The following ELAVL2 variants were observed in gnomAD, a reference collection of about 807,000 sequenced individuals.
ELAVL2 encodes the protein ELAV-like protein 2.
ELAVL2 carries 4 observed loss-of-function variants against 34.6 expected under a neutral mutation model. The ratio of observed to expected loss-of-function variants is 0.12; its 90% confidence interval spans 0.06 to 0.26. ELAVL2 has a LOEUF of 0.26. Ranked by LOEUF, ELAVL2 falls within the 10% of genes least tolerant of loss-of-function variation. The pLI is 1.00. For missense variants in ELAVL2, 432 were observed against 442.8 expected (o/e 0.98, Z 0.22); for synonymous variants, 193 against 154.8 (o/e 1.25, Z -1.83).
At chr9:23,766,138 T>C (rs1300313666) in intron 1 of ELAVL2, among the ~76,000 whole-genome samples, 5 of 152,142 alleles carry the variant, frequency 3.3e-5, no homozygotes, top group African/African-American at 1.2e-4. Context: ...TGGCTGTGAT[T>C]TACTCTTGAT....
chr9:23,835,818 T>C, the ELAVL2 span, among the ~76,000 whole-genome samples: 1 of 152,148 alleles, frequency 6.6e-6, no homozygotes, highest in Non-Finnish European at 1.5e-5. Context: ...ACCTTAAACT[T>C]TTAGAGATCT....
chr9:23,814,148 C>T (rs1325503294), intron 1 of ELAVL2, among the ~76,000 whole-genome samples: 1 of 152,110 alleles, frequency 6.6e-6, no homozygotes, highest in African/African-American at 2.4e-5. Flanking sequence ...ACCTATAGGC[C>T]ATATGAAGCT....
At chr9:23,811,459 T>TG (rs1037238754) in intron 1 of ELAVL2, among the ~76,000 whole-genome samples, 4 of 152,174 alleles carry the variant, frequency 2.6e-5, no homozygotes, top group African/African-American at 9.7e-5. Flanking sequence ...CACATGCTCC[T>TG]GGAAGACATG....
intron 2 of ELAVL2, among the ~76,000 whole-genome samples, chr9:23,742,828 T>C (rs532282521): frequency 6.6e-6 from 1 of 152,318 alleles, no homozygotes; most frequent in South Asian, 2.1e-4. Flanking sequence ...AAGAGGTAGT[T>C]AATCAAGAGG....
At chr9:23,749,047 G>A (rs2051230819) in intron 2 of ELAVL2, among the ~76,000 whole-genome samples, 1 of 152,104 alleles carries the variant, frequency 6.6e-6, no homozygotes, top group Non-Finnish European at 1.5e-5. Flanking sequence ...CAAGGTACTG[G>A]AAATGGATAA....
At chr9:23,755,136 C>A (rs1048872437) in intron 2 of ELAVL2, among the ~76,000 whole-genome samples, 1 of 152,122 alleles carries the variant, frequency 6.6e-6, no homozygotes. Context: ...TCTGTCAACT[C>A]CCAAACACAA....
At chr9:23,834,579 G>A in the ELAVL2 span, among the ~76,000 whole-genome samples, 1 of 151,972 alleles carries the variant, frequency 6.6e-6, no homozygotes, top group Non-Finnish European at 1.5e-5. Context: ...CTACAATTAT[G>A]AGAACAAAAA....
chr9:23,775,062 T>C (rs941005293), intron 1 of ELAVL2, among the ~76,000 whole-genome samples: 1 of 152,122 alleles, frequency 6.6e-6, no homozygotes, highest in African/African-American at 2.4e-5. Flanking sequence ...ACAAGAAAAA[T>C]AGAAAAGGAA....
intron 1 of ELAVL2, chr9:23,821,822 C>G (rs2064818126): frequency 6.6e-6 from 1 of 151,490 alleles, no homozygotes; most frequent in Non-Finnish European, 1.5e-5. Context: ...CTCAGTGACG[C>G]CCAGGCGCCG....
chr9:23,829,644 T>C (rs1177228905), upstream of ELAVL2: 1 of 152,222 alleles, frequency 6.6e-6, no homozygotes, highest in African/African-American at 2.4e-5. Context: ...TCTTGCTGAT[T>C]ACTCTTTTAT....
intron 1 of ELAVL2, among the ~76,000 whole-genome samples, chr9:23,806,559 G>A (rs1027361782): frequency 1.3e-5 from 2 of 151,894 alleles, no homozygotes; most frequent in East Asian, 1.9e-4. Flanking sequence ...ATCCCTAAAA[G>A]CCCAGGAATT....
At chr9:23,827,602 T>C (rs1019338118), upstream of ELAVL2, among the ~76,000 whole-genome samples, 11 of 151,828 alleles carry the variant, frequency 7.2e-5, no homozygotes, top group African/African-American at 2.4e-4. Context: ...ACATGCCTTT[T>C]TGAAAGGGAT....
chr9:23,835,072 G>T, the ELAVL2 span, among the ~76,000 whole-genome samples: 2 of 151,924 alleles, frequency 1.3e-5, no homozygotes, highest in Non-Finnish European at 2.9e-5. Flanking sequence ...TAGTTTTCCC[G>T]GATGTCAGTC....
intron 1 of ELAVL2, among the ~76,000 whole-genome samples, chr9:23,814,266 G>C (rs1181821612): frequency 6.6e-6 from 1 of 152,078 alleles, no homozygotes; most frequent in Non-Finnish European, 1.5e-5. Context: ...TCTTCAGTAA[G>C]TAAAATGTAA....
chr9:23,742,260 C>T (rs569792096), intron 2 of ELAVL2, among the ~76,000 whole-genome samples: 13 of 152,238 alleles, frequency 8.5e-5, no homozygotes, highest in South Asian at 4.1e-4. Flanking sequence ...AAAACAAGTA[C>T]CTCAATCCTC....
At chr9:23,784,108 G>C (rs973441204) in intron 1 of ELAVL2, among the ~76,000 whole-genome samples, 2 of 152,106 alleles carry the variant, frequency 1.3e-5, no homozygotes, top group East Asian at 1.9e-4. Flanking sequence ...TGAGACAGGA[G>C]AATGGCGTGA....
At chr9:23,726,456 A>AT (rs970941439) in intron 3 of ELAVL2, among the ~76,000 whole-genome samples, 6 of 151,684 alleles carry the variant, frequency 4.0e-5, no homozygotes, top group Non-Finnish European at 5.9e-5. Context: ...TCTAGACAGA[A>AT]TTTTTTTTTC....
intron 2 of ELAVL2, among the ~76,000 whole-genome samples, chr9:23,736,498 G>A (rs868834873): frequency 4.6e-5 from 7 of 152,068 alleles, no homozygotes; most frequent in African/African-American, 1.7e-4. Flanking sequence ...GGAGGAGCAG[G>A]GCTGCTGTTT....
At chr9:23,789,315 T>C (rs1297320570) in intron 1 of ELAVL2, among the ~76,000 whole-genome samples, 1 of 152,208 alleles carries the variant, frequency 6.6e-6, no homozygotes, top group Non-Finnish European at 1.5e-5. Context: ...GTGGAATGTA[T>C]GTCCCCTAAC....
Sources: allele counts gnomAD v4.1 joint callset (sites outside exome capture counted in the v4.1 genomes callset), GRCh38; gene constraint gnomAD v4.1.1; transcripts MANE v1.5; gene names NCBI Gene and HGNC (gene_info 2026-07-23, HGNC 2026-07-21).